The following ZNF341 variants were observed in gnomAD, a reference collection of about 807,000 sequenced individuals.
ZNF341 encodes zinc finger protein 341.
In ZNF341, 52 loss-of-function variants were observed where a neutral mutation model predicts 87.7. The ratio of observed to expected loss-of-function variants is 0.59; its 90% CI spans 0.47 to 0.75. The LOEUF (loss-of-function observed/expected upper bound fraction) is 0.75, where lower values mean the gene tolerates loss of function less well. ZNF341 is among the 30% of genes least tolerant of loss of function. ZNF341 has a pLI of 0.00. For synonymous variants in ZNF341, 459 were observed against 472.7 expected (o/e 0.97, Z 0.38); for missense variants, 977 against 1,145.9 (o/e 0.85, Z 2.13).
At chr20:33,775,868 T>G (rs1436795343) in intron 10 of ZNF341, among the ~76,000 whole-genome samples, 1 of 151,270 alleles carries the variant, frequency 6.6e-6, no homozygotes, top group Non-Finnish European at 1.5e-5. Flanking sequence ...GCCAGCTAAT[T>G]TTGGTATTTT....
chr20:33,735,454 C>T (rs1232174136), intron 1 of ZNF341, among the ~76,000 whole-genome samples: 1 of 152,130 alleles, frequency 6.6e-6, no homozygotes, highest in Non-Finnish European at 1.5e-5. Flanking sequence ...CCCACCTCAG[C>T]CTCCCAGGTG....
intron 12 of ZNF341, among the ~76,000 whole-genome samples, chr20:33,786,027 C>CTTTTTTTTTTTTTTTTTT (rs11478588): frequency 1.5e-5 from 1 of 68,682 alleles, no homozygotes; most frequent in Non-Finnish European, 2.5e-5. Flanking sequence ...ATGTATGAAC[C>CTTTTTTTTTTTTTTTTTT]TTTTTTTTTT....
At chr20:33,742,310 C>T (rs1005157277) in intron 2 of ZNF341, among the ~76,000 whole-genome samples, 27 of 152,178 alleles carry the variant, frequency 1.8e-4, no homozygotes, top group African/African-American at 6.5e-4. Flanking sequence ...AATCCTCCTG[C>T]CTCAGCCTCC....
chr20:33,740,994 C>T lies in ZNF341; in HGVS notation c.124C>T (p.Pro42Ser). 1.9e-6 allele frequency: 3 copies of T among 1,614,174 alleles called. No individual in the cohort carries two copies. Among genetic ancestry groups the T allele is most frequent in the Non-Finnish European group, 2.5e-6 (3 of 1,180,026 alleles). Reference sequence around the variant, plus strand: ...GACAGGCCAGAGTGTCAATGCGCCCCCTGCTATCCAGCCATTGGGTGAGTA... The same window carrying T: ...GACAGGCCAGAGTGTCAATGCGCCCTCTGCTATCCAGCCATTGGGTGAGTA... ...DPTGQSVNAP[P>S]AIQPLDDEDV... Residue 42 changes from proline to serine, a missense_variant, in exon 2 of 15, where the codon CCT (proline) becomes TCT (serine). Coordinates refer to ENST00000375200, the MANE Select transcript of ZNF341 (RefSeq NM_001282933.2).
chr20:33,785,994 A>T (rs2019850166), intron 12 of ZNF341, among the ~76,000 whole-genome samples: 4 of 111,612 alleles, frequency 3.6e-5, no homozygotes, highest in African/African-American at 1.0e-4. Context: ...TGAATTTTTC[A>T]TCTTGTATTT....
chr20:33,784,781 G>GT (rs1426648999), intron 12 of ZNF341, among the ~76,000 whole-genome samples: 1 of 151,796 alleles, frequency 6.6e-6, no homozygotes, highest in Non-Finnish European at 1.5e-5. Flanking sequence ...TGTCCAGCTA[G>GT]TTTTTTGTAT....
intron 9 of ZNF341, among the ~76,000 whole-genome samples, chr20:33,768,517 G>T (rs929552826): frequency 1.3e-5 from 2 of 148,150 alleles, no homozygotes; most frequent in South Asian, 4.3e-4. Context: ...CCACCTCCTG[G>T]GTTCAAGGGA....
At chr20:33,743,511 G>C (rs974637561) in intron 2 of ZNF341, among the ~76,000 whole-genome samples, 26 of 151,770 alleles carry the variant, frequency 1.7e-4, no homozygotes, top group African/African-American at 6.1e-4. Flanking sequence ...AGCTAATTTT[G>C]TATTTTTAGG....
chr20:33,783,134 A>T (rs1176387763), intron 11 of ZNF341, among the ~76,000 whole-genome samples: 1 of 152,088 alleles, frequency 6.6e-6, no homozygotes, highest in African/African-American at 2.4e-5. Flanking sequence ...AGCCTGGACA[A>T]TATGAGCGAA....
At chr20:33,754,751 G>C (rs2019139725) in intron 5 of ZNF341, among the ~76,000 whole-genome samples, 1 of 152,118 alleles carries the variant, frequency 6.6e-6, no homozygotes. Context: ...ACTAGACTTT[G>C]CATCCTTAGC....
In ZNF341 at chr20:33,757,158, A is replaced by AG; in HGVS notation, c.753dup (p.Cys252ValfsTer43). The AG allele has an allele frequency of 1.4e-6, 2 of 1,438,700 alleles. No homozygotes were observed. Among genetic ancestry groups the AG allele is most frequent in the Non-Finnish European group, 1.8e-6 (2 of 1,090,150 alleles). 89.1% of individuals were successfully genotyped at this position (1,438,700 alleles called of 1,614,324 possible). On this transcript the variant is annotated frameshift_variant, in exon 6 of 15. Transcript: ENST00000375200. LOFTEE classifies it high-confidence loss of function. ...GTGTTGTCCTCCTAGGTGCCAAACCAGTGTGTGGAGCCTCCAGTATATCCC... is the reference window on the plus strand; with the variant it reads ...GTGTTGTCCTCCTAGGTGCCAAACCAGGTGTGTGGAGCCTCCAGTATATCCC...
At chr20:33,767,349 C>T (rs982055185) in intron 9 of ZNF341, among the ~76,000 whole-genome samples, 2 of 151,634 alleles carry the variant, frequency 1.3e-5, no homozygotes, top group Non-Finnish European at 2.9e-5. Context: ...CCTGATGGCT[C>T]ACCTTGTACT....
At chr20:33,763,182 A>T (rs551583371) in intron 8 of ZNF341, among the ~76,000 whole-genome samples, 4 of 152,328 alleles carry the variant, frequency 2.6e-5, no homozygotes, top group South Asian at 2.1e-4. Context: ...ACATTCATTT[A>T]AAAAATTTTA....
At chr20:33,789,615 G>A (rs2019954778) in intron 14 of ZNF341, 27 bp downstream of exon 14, 1 of 1,613,166 alleles carries the variant, frequency 6.2e-7, no homozygotes, top group Non-Finnish European at 8.5e-7. Context: ...CCTGCTAAGA[G>A]GGTCTGGTTC....
intron 12 of ZNF341, among the ~76,000 whole-genome samples, chr20:33,785,128 GA>G (rs2019825973): frequency 6.6e-6 from 1 of 151,956 alleles, no homozygotes; most frequent in South Asian, 2.1e-4. Flanking sequence ...AAACTTGAGG[GA>G]AAATCCTTGA....
At chr20:33,778,382 T>C (rs529218439) in intron 10 of ZNF341, among the ~76,000 whole-genome samples, 3 of 152,264 alleles carry the variant, frequency 2.0e-5, no homozygotes, top group African/African-American at 7.2e-5. Flanking sequence ...TGATCTTGGC[T>C]CACCGCAACC....
chr20:33,748,217 G>A (rs972155372), intron 3 of ZNF341, among the ~76,000 whole-genome samples: 21 of 151,962 alleles, frequency 1.4e-4, no homozygotes, highest in Non-Finnish European at 3.1e-4. Flanking sequence ...GACTACAGGC[G>A]CGCACTACCA....
Position 33,791,401 on chromosome 20 carries a change from G to A in ZNF341, c.2449G>A (p.Val817Ile). 1 of 1,612,476 alleles carries A rather than the reference G, an allele frequency of 6.2e-7. No homozygotes were observed. Among genetic ancestry groups the A allele is most frequent in the African/African-American group, 1.3e-5 (1 of 75,048 alleles). Residue 817 changes from valine to isoleucine, a missense_variant, in exon 15 of 15, where the codon GTA (valine) becomes ATA (isoleucine). Val to Ile is a conservative substitution (Grantham distance 29). This residue lies in a region of ZNF341 where 221 missense variants were observed against 212.7 expected (regional missense o/e 1.04). Coordinates refer to ENST00000375200, the MANE Select transcript of ZNF341 (RefSeq NM_001282933.2). The stretch of plus-strand genomic sequence containing the variant: ...GGTGGGCGCGGAAACTGAGCTGGTG[G>A]TACCTGGACACGCTGAGGGGCTGGG... Reference protein sequence around the residue: ...GAVGAETELVVPGHAEGLGSN... With the variant: ...GAVGAETELVIPGHAEGLGSN...
chr20:33,758,718 G>T lies in ZNF341; in HGVS notation c.940G>T (p.Ala314Ser). 8 of 1,613,230 alleles carry T rather than the reference G, an allele frequency of 5.0e-6. No homozygotes were observed. Among genetic ancestry groups the T allele is most frequent in the Non-Finnish European group, 6.8e-6 (8 of 1,179,664 alleles). The change falls in exon 7 of 15, where the codon GCA becomes TCA. Residue 314 changes from alanine (A) to serine (S), a missense_variant and splice_region_variant. Physicochemically the swap from Ala to Ser is moderately conservative, Grantham distance 99. Transcript: ENST00000375200. The stretch of plus-strand genomic sequence containing the variant: ...CCCTCCTTCCACTTGTCTTTCAGCT[G>T]CAGGGAAGCCAAAGGCTCAGAAACT... ...AKGARGLPEA[A>S]GKPKAQKLKC...
Sources: gnomAD v4.1 joint callset for allele counts (sites outside exome capture counted in the v4.1 genomes callset) on GRCh38, gnomAD v4.1.1 for gene constraint, gnomAD v4.1.1 regional missense constraint, MANE v1.5 for transcripts, NCBI Gene and HGNC (gene_info 2026-07-23, HGNC 2026-07-21) for gene names.